ADGRB3: variants seen among roughly 807,000 people sequenced by gnomAD.
ADGRB3 encodes the protein adhesion G protein-coupled receptor B3.
ADGRB3 carries 37 observed loss-of-function variants against 193.4 expected under a neutral mutation model. That is an observed-to-expected ratio of 0.19 (90% CI 0.15 to 0.25). ADGRB3 has a LOEUF of 0.25. Ranked by LOEUF, ADGRB3 falls within the 10% of genes least tolerant of loss-of-function variation. The pLI is 1.00. For synonymous variants in ADGRB3, 690 were observed against 644.2 expected, an observed-to-expected ratio of 1.07 and a Z score of -1.08; for missense variants, 1,637 against 1,852.9, an observed-to-expected ratio of 0.88 and a Z score of 2.14.
chr6:68,923,612 G>T (rs1488270800), intron 3 of ADGRB3, among the ~76,000 whole-genome samples: 1 of 152,008 alleles, frequency 6.6e-6, no homozygotes, highest in Non-Finnish European at 1.5e-5. Flanking sequence ...CAGTAAATAT[G>T]TATACAGTGA....
chr6:68,783,919 C>A (rs947317200), intron 3 of ADGRB3, among the ~76,000 whole-genome samples: 3 of 151,914 alleles, frequency 2.0e-5, no homozygotes, highest in African/African-American at 7.3e-5. Context: ...AGTAGATGTA[C>A]CATCAGCTGC....
At chr6:69,166,183 T>C (rs1397971293) in intron 17 of ADGRB3, among the ~76,000 whole-genome samples, 2 of 152,046 alleles carry the variant, frequency 1.3e-5, no homozygotes, top group Non-Finnish European at 2.9e-5. Context: ...TTCTATGCAA[T>C]CTCAATACAG....
At chr6:69,203,347 G>T (rs1765472205) in intron 17 of ADGRB3, among the ~76,000 whole-genome samples, 1 of 152,084 alleles carries the variant, frequency 6.6e-6, no homozygotes, top group Non-Finnish European at 1.5e-5. Flanking sequence ...GGCATTGCCA[G>T]GATTGAGTGG....
intron 3 of ADGRB3, among the ~76,000 whole-genome samples, chr6:68,847,655 T>C (rs1034472120): frequency 2.6e-5 from 4 of 152,174 alleles, no homozygotes; most frequent in African/African-American, 4.8e-5. Context: ...TCCCCAGCCA[T>C]GTGGAACTGT....
At chr6:68,814,552 A>G (rs1368373170) in intron 3 of ADGRB3, among the ~76,000 whole-genome samples, 3 of 152,110 alleles carry the variant, frequency 2.0e-5, no homozygotes, top group Non-Finnish European at 2.9e-5. Context: ...CTTCAGTTTA[A>G]TTAGATCCCA....
At chr6:69,329,694 G>A (rs1370311297) in intron 22 of ADGRB3, among the ~76,000 whole-genome samples, 2 of 152,150 alleles carry the variant, frequency 1.3e-5, no homozygotes, top group Non-Finnish European at 2.9e-5. Context: ...TGAAATGGTG[G>A]CCATGACTTT....
intron 11 of ADGRB3, among the ~76,000 whole-genome samples, chr6:68,999,151 A>C (rs918259535): frequency 2.6e-5 from 4 of 152,168 alleles, no homozygotes; most frequent in African/African-American, 4.8e-5. Flanking sequence ...ATTTTGGAAA[A>C]CTAGTAGAAC....
chr6:69,024,317 T>G (rs1770360075), intron 13 of ADGRB3, among the ~76,000 whole-genome samples: 1 of 152,092 alleles, frequency 6.6e-6, no homozygotes, highest in Non-Finnish European at 1.5e-5. Flanking sequence ...TTCAGTGTCT[T>G]AAGTTAAGAT....
chr6:69,120,254 A>C (rs1177374581), intron 17 of ADGRB3, among the ~76,000 whole-genome samples: 2 of 152,210 alleles, frequency 1.3e-5, no homozygotes, highest in African/African-American at 2.4e-5. Context: ...TGGTCCCTGA[A>C]TCAGCAGCAT....
intron 3 of ADGRB3, among the ~76,000 whole-genome samples, chr6:68,677,964 T>C (rs142746916): frequency 1.3e-5 from 2 of 152,252 alleles, no homozygotes; most frequent in Non-Finnish European, 2.9e-5. Flanking sequence ...TTTTTTTAAT[T>C]TGATGAGATA....
At chr6:69,381,964 T>A (rs1769955107) in intron 30 of ADGRB3, among the ~76,000 whole-genome samples, 1 of 151,866 alleles carries the variant, frequency 6.6e-6, no homozygotes, top group South Asian at 2.1e-4. Flanking sequence ...AAAATAACAA[T>A]TACAAATACA....
chr6:68,967,188 G>C (rs780007968), intron 8 of ADGRB3, among the ~76,000 whole-genome samples: 6 of 152,108 alleles, frequency 3.9e-5, no homozygotes, highest in Admixed American at 2.6e-4. Flanking sequence ...TGAATCCAAG[G>C]CTTCATAAAT....
intron 20 of ADGRB3, among the ~76,000 whole-genome samples, chr6:69,245,373 G>A (rs964800190): frequency 2.0e-5 from 3 of 152,058 alleles, no homozygotes; most frequent in African/African-American, 7.2e-5. Flanking sequence ...AAGCATTGAA[G>A]CATATTTTGT....
chr6:68,845,156 T>C (rs189230850), intron 3 of ADGRB3, among the ~76,000 whole-genome samples: 1 of 152,326 alleles, frequency 6.6e-6, no homozygotes, highest in East Asian at 1.9e-4. Flanking sequence ...GGTAAATGGA[T>C]ATCACACTTA....
At position 68,770,321 on chromosome 6, in the gene ADGRB3, C is replaced by T. The variant is rs185986700; in HGVS notation, c.757+130889C>T. On this transcript the variant is annotated intron_variant, in intron 3 of 31. Transcript: ENST00000370598. The stretch of plus-strand genomic sequence containing the variant: ...AGATATAAGGTTGGGAATATGCAGA[C>T]CCTCTTCTCGTCACTTTGCACATTA... Among the ~76,000 whole-genome samples, 9 of 152,118 alleles carry T rather than the reference C, an allele frequency of 5.9e-5. 1 individual carries two copies. In the East Asian group the frequency reaches 1.2e-3, roughly 20 times the overall value.
chr6:69,282,044 C>G (rs1172083404), intron 20 of ADGRB3, among the ~76,000 whole-genome samples: 1 of 152,098 alleles, frequency 6.6e-6, no homozygotes, highest in Non-Finnish European at 1.5e-5. Flanking sequence ...GCATTGTGCT[C>G]TCACCAAAGG....
chr6:69,232,689 G>T (rs1284233491), intron 17 of ADGRB3: 1 of 1,403,412 alleles, frequency 7.1e-7, no homozygotes, highest in Non-Finnish European at 9.7e-7. Flanking sequence ...GGAACCAGCT[G>T]ATGCCGCTGC....
At chr6:68,699,288 A>G (rs1047771959) in intron 3 of ADGRB3, among the ~76,000 whole-genome samples, 2 of 152,092 alleles carry the variant, frequency 1.3e-5, no homozygotes, top group Non-Finnish European at 2.9e-5. Flanking sequence ...TGAGAGAAAA[A>G]CTAGCACGTA....
intron 17 of ADGRB3, among the ~76,000 whole-genome samples, chr6:69,181,744 T>C (rs2150351658): frequency 6.6e-6 from 1 of 152,372 alleles, no homozygotes; most frequent in South Asian, 2.1e-4. Context: ...GAAACTGCTT[T>C]TATGTAGCCA....
Sources: allele counts gnomAD v4.1 joint callset (sites outside exome capture counted in the v4.1 genomes callset), GRCh38; gene constraint gnomAD v4.1.1; transcripts MANE v1.5; gene names NCBI Gene and HGNC (gene_info 2026-07-23, HGNC 2026-07-21).